GPM6A: variants seen among roughly 807,000 people sequenced by gnomAD.
GPM6A encodes the protein neuronal membrane glycoprotein M6-a.
GPM6A carries 7 observed loss-of-function variants against 32.1 expected under a neutral mutation model. The ratio of observed to expected loss-of-function variants is 0.22; its 90% confidence interval spans 0.12 to 0.41. The LOEUF (loss-of-function observed/expected upper bound fraction) is 0.41, where lower values mean the gene tolerates loss of function less well. Ranked by LOEUF, GPM6A falls within the 10% of genes least tolerant of loss-of-function variation. The probability of loss-of-function intolerance (pLI) is 1.00; values close to 1 mark genes in which losing one functional copy is unlikely to be tolerated. For missense variants in GPM6A, 235 were observed against 347.2 expected, an observed-to-expected ratio of 0.68 and a Z score of 2.57; for synonymous variants, 130 against 123.4, an observed-to-expected ratio of 1.05 and a Z score of -0.35.
intron 1 of GPM6A, among the ~76,000 whole-genome samples, chr4:175,765,717 A>C (rs541108331): frequency 2.0e-5 from 3 of 152,120 alleles, no homozygotes; most frequent in Non-Finnish European, 2.9e-5. Flanking sequence ...TAAAAACCCA[A>C]TCCTCGCTAT....
intron 1 of GPM6A, among the ~76,000 whole-genome samples, chr4:175,864,327 C>T (rs1455743336): frequency 6.6e-6 from 1 of 152,070 alleles, no homozygotes; most frequent in Admixed American, 6.6e-5. Flanking sequence ...TCACCATGCT[C>T]AGTTAATTTT....
intron 1 of GPM6A, among the ~76,000 whole-genome samples, chr4:175,927,173 G>A (rs1295777403): frequency 1.3e-5 from 2 of 152,216 alleles, no homozygotes; most frequent in Non-Finnish European, 2.9e-5. Flanking sequence ...CACAAGAAAT[G>A]TATAGCTTGT....
rs757126719 is a variant in GPM6A, at chr4:175,634,872, C to T, written c.*33G>A. On this transcript the variant is annotated 3_prime_UTR_variant, in exon 7 of 7. Transcript: ENST00000393658. ...GATGGCCCTTAGTTAAACACCAATG[C>T]ATTCAAATGGTAGAAAGAACAGGAA... is the stretch of plus-strand genomic sequence containing the variant. The T allele has an allele frequency of 6.3e-7, 1 of 1,589,574 alleles. No individual in the cohort carries two copies. The highest frequency in any genetic ancestry group is 8.6e-7 in the Non-Finnish European group (1 of 1,160,166).
At chr4:175,755,935 G>GA (rs1412953738) in intron 1 of GPM6A, among the ~76,000 whole-genome samples, 2 of 152,272 alleles carry the variant, frequency 1.3e-5, no homozygotes, top group Non-Finnish European at 2.9e-5. Flanking sequence ...TATGAGGAGA[G>GA]AAAACTGAAG....
intron 1 of GPM6A, among the ~76,000 whole-genome samples, chr4:175,928,253 C>T (rs1579635320): frequency 1.3e-5 from 2 of 152,144 alleles, no homozygotes. Context: ...TAAACCTGCT[C>T]ATTAACACGA....
At chr4:175,774,690 C>A (rs1282765070) in intron 1 of GPM6A, among the ~76,000 whole-genome samples, 1 of 151,996 alleles carries the variant, frequency 6.6e-6, no homozygotes, top group African/African-American at 2.4e-5. Flanking sequence ...CACAATTGAA[C>A]AACAGAGCAA....
At chr4:175,846,553 T>C (rs1382569730) in intron 1 of GPM6A, among the ~76,000 whole-genome samples, 3 of 152,158 alleles carry the variant, frequency 2.0e-5, no homozygotes, top group East Asian at 1.9e-4. Context: ...AAGTGAGTGA[T>C]TATAATTTCA....
chr4:175,874,341 C>T (rs1340282573), intron 1 of GPM6A, among the ~76,000 whole-genome samples: 3 of 152,136 alleles, frequency 2.0e-5, no homozygotes, highest in South Asian at 4.1e-4. Context: ...GAATGTAATG[C>T]TGCAAAAGCT....
At chr4:175,769,003 G>A (rs1349036183) in intron 1 of GPM6A, among the ~76,000 whole-genome samples, 4 of 152,120 alleles carry the variant, frequency 2.6e-5, no homozygotes, top group African/African-American at 9.7e-5. Context: ...GCTGAGGCAG[G>A]AGAATGGCTT....
chr4:175,745,575 G>T (rs1376502912), intron 1 of GPM6A, among the ~76,000 whole-genome samples: 3 of 152,186 alleles, frequency 2.0e-5, no homozygotes, highest in Non-Finnish European at 2.9e-5. Context: ...CAGGGAGGCT[G>T]CCAAGTCTTC....
At chr4:175,669,754 C>A (rs752064983) in intron 3 of GPM6A, among the ~76,000 whole-genome samples, 9 of 152,112 alleles carry the variant, frequency 5.9e-5, no homozygotes, top group Non-Finnish European at 1.3e-4. Flanking sequence ...AGAGATTGAC[C>A]TTATTGCTCT....
intron 1 of GPM6A, among the ~76,000 whole-genome samples, chr4:175,985,939 G>C (rs1273992145): frequency 1.3e-5 from 2 of 151,956 alleles, no homozygotes; most frequent in African/African-American, 4.8e-5. Context: ...CCAAGTAGCT[G>C]GGATTACAGG....
chr4:175,676,568 GAC>G (rs757676117), intron 2 of GPM6A, among the ~76,000 whole-genome samples: 9 of 152,212 alleles, frequency 5.9e-5, no homozygotes, highest in Non-Finnish European at 1.0e-4. Context: ...TCAACATAGA[GAC>G]ACCCCATCTC....
At chr4:175,767,486 C>G (rs1733018572) in intron 1 of GPM6A, among the ~76,000 whole-genome samples, 1 of 152,178 alleles carries the variant, frequency 6.6e-6, no homozygotes, top group South Asian at 2.1e-4. Context: ...TCGAGAAATC[C>G]TTGATGAATT....
chr4:175,787,415 T>C (rs867076410), intron 1 of GPM6A: 12 of 1,533,286 alleles, frequency 7.8e-6, no homozygotes, highest in Middle Eastern at 3.3e-4. Context: ...TTCAAGGGCA[T>C]AAGCTCTCTC....
At chr4:175,856,179 T>C (rs1043151430) in intron 1 of GPM6A, among the ~76,000 whole-genome samples, 1 of 152,190 alleles carries the variant, frequency 6.6e-6, no homozygotes, top group Non-Finnish European at 1.5e-5. Flanking sequence ...AATCACTGGG[T>C]AAAAAACTAA....
chr4:175,668,152 C>A (rs1742851932), intron 3 of GPM6A, among the ~76,000 whole-genome samples: 2 of 151,968 alleles, frequency 1.3e-5, no homozygotes, highest in Admixed American at 6.6e-5. Context: ...TTTATTTTTT[C>A]TTATTTATTT....
In GPM6A at chr4:175,764,852, T is replaced by TATA. The variant is rs1227095778; in HGVS notation, c.37+47338_37+47339insTAT. 2.8e-5 allele frequency among the ~76,000 whole-genome samples: 4 copies of TATA among 141,528 alleles called. No individual in the cohort carries two copies. In the East Asian group the frequency reaches 8.0e-4, roughly 28 times the overall value. 92.8% of individuals were successfully genotyped at this position (141,528 alleles called of 152,430 possible). A position where few individuals can be genotyped will look rare whatever the true frequency, so the allele number is the denominator to read the frequency against. The stretch of plus-strand genomic sequence containing the variant: ...TAGTGACTCAACCCAAAGGCATTAT[T>TATA]ATTATTATTATTATTATTATTATTA... On this transcript the variant is annotated intron_variant, in intron 1 of 6. Transcript: ENST00000393658.
intron 6 of GPM6A, among the ~76,000 whole-genome samples, chr4:175,637,669 TA>T (rs1423016038): frequency 0.039 from 15 of 384 alleles, no homozygotes; most frequent in African/African-American, 0.056. Context: ...ATATATAATA[TA>T]TATAATATAT....
Sources: gnomAD v4.1 joint callset for allele counts (sites outside exome capture counted in the v4.1 genomes callset) on GRCh38, gnomAD v4.1.1 for gene constraint, MANE v1.5 for transcripts, NCBI Gene and HGNC (gene_info 2026-07-23, HGNC 2026-07-21) for gene names.